The following SPAG11B variants were observed in gnomAD, a reference collection of about 807,000 sequenced individuals.
SPAG11B encodes sperm-associated antigen 11B.
SPAG11B carries 5 observed loss-of-function variants against 8.9 expected under a neutral mutation model. That is an observed-to-expected ratio of 0.56 (90% CI 0.29 to 1.19). SPAG11B has a LOEUF of 1.19. Among genes scored for constraint, SPAG11B ranks in the 50% most tolerant of loss-of-function variants. SPAG11B has a pLI of 0.08. For missense variants in SPAG11B, 38 were observed against 146.4 expected (o/e 0.26, Z 3.82); for synonymous variants, 12 against 53.0 (o/e 0.23, Z 3.36).
chr8:7,454,207 T>C (rs1404063912), intron 2 of SPAG11B, among the ~76,000 whole-genome samples: 1 of 120,668 alleles, frequency 8.3e-6, no homozygotes, highest in African/African-American at 3.8e-5. Flanking sequence ...CAATTCTGAA[T>C]GTATCCTGTG....
chr8:7,462,448 G>GCA (rs1343689433), intron 2 of SPAG11B, among the ~76,000 whole-genome samples: 1 of 152,154 alleles, frequency 6.6e-6, no homozygotes, highest in African/African-American at 2.4e-5. Flanking sequence ...GCAATTACAG[G>GCA]TGTGGCTTCA....
At chr8:7,459,504 G>A (rs1810649313) in intron 2 of SPAG11B, among the ~76,000 whole-genome samples, 1 of 148,554 alleles carries the variant, frequency 6.7e-6, no homozygotes. Context: ...AAATATTCAT[G>A]TGAAAACAGG....
downstream of SPAG11B, among the ~76,000 whole-genome samples, chr8:7,450,090 A>C (rs1316777027): frequency 7.9e-6 from 1 of 126,168 alleles, no homozygotes; most frequent in African/African-American, 3.2e-5. Context: ...CATACTGAGA[A>C]TGCCATTTAT....
chr8:7,449,869 G>A (rs1302023456), downstream of SPAG11B, among the ~76,000 whole-genome samples: 1 of 138,012 alleles, frequency 7.2e-6, no homozygotes, highest in East Asian at 2.0e-4. Flanking sequence ...CTCTCAGCAC[G>A]TTTGTTTTTA....
At position 7,450,702 on chromosome 8, in the gene SPAG11B, G is replaced by A. The variant is rs566172376; in HGVS notation, c.*11C>T. On this transcript the variant is annotated 3_prime_UTR_variant, in exon 3 of 3. Transcript: ENST00000398462. ...ATACTTCAACATCCCTGCCTTCCGG[G>A]AGCTTATATTTTAGATCCCAGATCT... 1 of 1,562,630 alleles carries A rather than the reference G, an allele frequency of 6.4e-7. No homozygotes were observed. Among genetic ancestry groups the A allele is most frequent in the African/African-American group, 1.4e-5 (1 of 71,232 alleles).
chr8:7,459,536 C>T (rs1260466309), intron 2 of SPAG11B, among the ~76,000 whole-genome samples: 12 of 148,966 alleles, frequency 8.1e-5, no homozygotes, highest in African/African-American at 2.7e-4. Context: ...GAGACACACT[C>T]CCCGCACAAT....
At chr8:7,453,293 C>T (rs1224071189) in intron 2 of SPAG11B, among the ~76,000 whole-genome samples, 1 of 145,810 alleles carries the variant, frequency 6.9e-6, no homozygotes, top group Non-Finnish European at 1.5e-5. Flanking sequence ...GCACATTTTG[C>T]CCCTATTTGA....
chr8:7,450,872 G>A lies in SPAG11B; in HGVS notation c.243C>T (p.Thr81=), dbSNP rs141584466. 1.6e-3 allele frequency: 2,466 copies of A among 1,550,624 alleles called. 227 individuals are homozygous for A. The Admixed American group carries it at 0.025, about 16-fold the overall frequency. The change falls in exon 3 of 3, where the codon ACC becomes ACT. Residue 81 remains threonine (T), a synonymous_variant. Coordinates refer to ENST00000398462, the MANE Select transcript of SPAG11B (RefSeq NM_058201.4). ...QGDVPPGIRN[T]ICHMQQGICR... ...AGATCCCTTGCTGCATATGGCAGAT[G>A]GTATTTCTAATTCCCGGTGGAACAT...
downstream of SPAG11B, among the ~76,000 whole-genome samples, chr8:7,449,853 C>T (rs2128871458): frequency 7.2e-6 from 1 of 139,858 alleles, no homozygotes; most frequent in African/African-American, 2.8e-5. Flanking sequence ...GGCATGTGGT[C>T]TCTATCTCTC....
At position 7,451,229 on chromosome 8, in the gene SPAG11B, A is replaced by G. The variant is rs1810136482; in HGVS notation, c.215-329T>C. 2.7e-6 allele frequency: 4 copies of G among 1,483,528 alleles called. No individual in the cohort carries two copies. In the East Asian group the frequency reaches 9.0e-5, roughly 33 times the overall value. The allele number at this position is 1,483,528 out of a possible 1,614,324, so 91.9% of individuals were successfully genotyped here. On this transcript the variant is annotated intron_variant, in intron 2 of 2. Coordinates refer to ENST00000398462, the MANE Select transcript of SPAG11B (RefSeq NM_058201.4). ...AAGGAAACAAAGGGAGTTTTGGAAA[A>G]CAGAAGTGGTCCAGAATAGGACAGG... is the stretch of plus-strand genomic sequence containing the variant.
chr8:7,451,971 CAT>C (rs1199268367), intron 2 of SPAG11B, among the ~76,000 whole-genome samples: 1 of 133,326 alleles, frequency 7.5e-6, no homozygotes, highest in Non-Finnish European at 1.6e-5. Context: ...CTCTGACATT[CAT>C]ATGACTATAA....
intron 2 of SPAG11B, among the ~76,000 whole-genome samples, chr8:7,453,885 T>C (rs558562584): frequency 1.1e-4 from 16 of 149,140 alleles, no homozygotes; most frequent in African/African-American, 3.8e-4. Context: ...AATTGGGCAC[T>C]CCAAGCTGCT....
chr8:7,458,708 G>GAAAGAGAAACTC lies in SPAG11B; in HGVS notation c.214+3998_214+3999insGAGTTTCTCTTT, dbSNP rs1165888243. On this transcript the variant is annotated intron_variant, in intron 2 of 2. Transcript: ENST00000398462. ...AAAAAAAAAATAGAAGGGCTCTACA[G>GAAAGAGAAACTC]ATATAAAAATAAATATCTGCAAAGT... Among the ~76,000 whole-genome samples the GAAAGAGAAACTC allele has an allele frequency of 1.1e-3, 82 of 76,644 alleles. 1 individual carries two copies. Among genetic ancestry groups the GAAAGAGAAACTC allele is most frequent in the African/African-American group, 3.1e-3 (81 of 26,310 alleles). 50.3% of individuals were successfully genotyped at this position (76,644 alleles called of 152,430 possible). A position where few individuals can be genotyped will look rare whatever the true frequency, so the allele number is the denominator to read the frequency against.
downstream of SPAG11B, among the ~76,000 whole-genome samples, chr8:7,450,398 G>C (rs1187560083): frequency 6.9e-6 from 1 of 144,374 alleles, no homozygotes; most frequent in African/African-American, 2.6e-5. Flanking sequence ...AAGGAAAACA[G>C]AGCAGCAGAT....
rs1172761461 is a variant in SPAG11B at position 7,451,399 on chromosome 8, T to G, written c.215-499A>C. ...GGCTTGTAAGTCACAAATGACCACC[T>G]AAATTTTTATAACAACAGGACATTG... On this transcript the variant is annotated intron_variant, in intron 2 of 2. Transcript: ENST00000398462. 5.6e-4 allele frequency among the ~76,000 whole-genome samples: 72 copies of G among 129,300 alleles called. No homozygotes were observed. In the East Asian group the frequency reaches 0.015, roughly 27 times the overall value. The allele number at this position is 129,300 out of a possible 152,430, so 84.8% of individuals were successfully genotyped here.
At chr8:7,451,397 C>T (rs1191920178) in intron 2 of SPAG11B, among the ~76,000 whole-genome samples, 2 of 128,970 alleles carry the variant, frequency 1.6e-5, no homozygotes. Flanking sequence ...CAAATGACCA[C>T]CTAAATTTTT....
downstream of SPAG11B, among the ~76,000 whole-genome samples, chr8:7,448,779 C>T (rs1482323261): frequency 1.0e-5 from 1 of 97,658 alleles, no homozygotes; most frequent in Non-Finnish European, 2.4e-5. Flanking sequence ...TTCCCTTCCC[C>T]TCTCCTCCCC....
At chr8:7,451,906 G>A (rs1204076916) in intron 2 of SPAG11B, among the ~76,000 whole-genome samples, 2 of 144,808 alleles carry the variant, frequency 1.4e-5, no homozygotes, top group African/African-American at 5.2e-5. Context: ...CTGGACTTTG[G>A]TTTTCTTTTT....
downstream of SPAG11B, among the ~76,000 whole-genome samples, chr8:7,450,393 A>C (rs1386097335): frequency 6.9e-6 from 1 of 144,440 alleles, no homozygotes; most frequent in Admixed American, 7.1e-5. Context: ...ATCAGAAGGA[A>C]AACAGAGCAG....
Sources: gnomAD v4.1 joint callset for allele counts (sites outside exome capture counted in the v4.1 genomes callset) on GRCh38, gnomAD v4.1.1 for gene constraint, MANE v1.5 for transcripts, NCBI Gene and HGNC (gene_info 2026-07-23, HGNC 2026-07-21) for gene names.